FN3K: variants seen among roughly 807,000 people sequenced by gnomAD.
FN3K encodes fructosamine 3 kinase.
A neutral mutation model predicts 24.8 loss-of-function variants in FN3K; 24 were observed. The ratio of observed to expected loss-of-function variants is 0.97; its 90% CI spans 0.70 to 1.36. The LOEUF (loss-of-function observed/expected upper bound fraction) is 1.36. Ranked by LOEUF, FN3K falls within the 40% of genes most tolerant of loss-of-function variation. The pLI, the probability that FN3K is intolerant of heterozygous loss-of-function variation, is 0.00. For synonymous variants in FN3K, 192 were observed against 175.2 expected, an observed-to-expected ratio of 1.10 and a Z score of -0.76; for missense variants, 449 against 416.7, an observed-to-expected ratio of 1.08 and a Z score of -0.67.
chr17:82,736,012 G>GT (rs1279188405), intron 1 of FN3K: 11 of 545,628 alleles, frequency 2.0e-5, no homozygotes, highest in Non-Finnish European at 3.5e-5. Context: ...TCTAGGGGTG[G>GT]TTTTAACTTT....
At position 82,738,313 on chromosome 17, in the gene FN3K, C is replaced by T. The variant is rs570438270; in HGVS notation, c.142-176C>T. 1.2e-4 allele frequency: 82 copies of T among 696,596 alleles called. 1 individual carries two copies. The East Asian group carries it at 1.9e-3, about 16-fold the overall frequency. The allele number at this position is 696,596 out of a possible 1,614,324, so 43.2% of individuals were successfully genotyped here. A position where few individuals can be genotyped will look rare whatever the true frequency, so the allele number is the denominator to read the frequency against. Reference sequence around the variant, plus strand: ...CCTCAGCCTTGCAGCCTCTCGTCTCCGACGGGGGGCCCCTCTGCACCCTGC... The same window carrying T: ...CCTCAGCCTTGCAGCCTCTCGTCTCTGACGGGGGGCCCCTCTGCACCCTGC... On this transcript the variant is annotated intron_variant, in intron 1 of 5. Transcript: ENST00000300784.
chr17:82,737,512 C>T lies in FN3K; in HGVS notation c.142-977C>T, dbSNP rs367605027. 4.3e-4 allele frequency among the ~76,000 whole-genome samples: 66 copies of T among 152,190 alleles called. 2 individuals are homozygous for T. The East Asian group carries it at 7.6e-3, about 17-fold the overall frequency. On this transcript the variant is annotated intron_variant, in intron 1 of 5. Coordinates refer to ENST00000300784, the MANE Select transcript of FN3K (RefSeq NM_022158.4). ...TAATTTTTTGTATTTTTAGTAGAGA[C>T]GAGGTTTCACCGTGTTAGCCAGGAT...
At chr17:82,742,985 A>C (rs1447193068) in intron 4 of FN3K, among the ~76,000 whole-genome samples, 1 of 152,112 alleles carries the variant, frequency 6.6e-6, no homozygotes, top group Non-Finnish European at 1.5e-5. Context: ...GCCAACAGGC[A>C]GTCCTCACAT....
chr17:82,748,881 G>A lies in FN3K; in HGVS notation c.495G>A (p.Pro165=), dbSNP rs771610214. ...PQVNEWQDDW[P]TFFARHRLQA... is the part of the protein sequence containing the mutation. ...TGAATGAGTGGCAGGATGACTGGCC[G>A]ACCTTTTTCGCCCGGCACCGGCTCC... Residue 165 remains proline (P), a synonymous_variant, in exon 5 of 6, where the codon CCG becomes CCA. Transcript: ENST00000300784. The A allele has an allele frequency of 6.2e-6, 10 of 1,613,202 alleles. No homozygotes were observed. In the East Asian group the frequency reaches 1.3e-4, roughly 22 times the overall value.
At chr17:82,745,646 A>G (rs2143649115) in intron 4 of FN3K, 1 of 152,294 alleles carries the variant, frequency 6.6e-6, no homozygotes, top group South Asian at 2.1e-4. Flanking sequence ...ATGTGGATGG[A>G]TTTCTGGATC....
chr17:82,736,084 C>T (rs1177273976), intron 1 of FN3K: 1 of 330,636 alleles, frequency 3.0e-6, no homozygotes, highest in South Asian at 3.9e-5. Flanking sequence ...CTGGGCCGCC[C>T]CTCTCAGCCC....
At chr17:82,747,807 T>C (rs1309442740) in intron 4 of FN3K, among the ~76,000 whole-genome samples, 2 of 152,226 alleles carry the variant, frequency 1.3e-5, no homozygotes, top group Non-Finnish European at 2.9e-5. Context: ...ATTCCTCTTC[T>C]TATAGGCCAC....
rs560630781 is a variant in FN3K, at chr17:82,750,619, G to C, written c.794G>C (p.Arg265Pro). The C allele has an allele frequency of 6.2e-7, 1 of 1,613,914 alleles. No individual in the cohort carries two copies. ...AGATCCTTCTTCACCGCCTACCACC[G>C]GAAGATCCCCAAGGCTCCGGGCTTC... ...FPRSFFTAYH[R>P]KIPKAPGFDQ... Residue 265 changes from arginine to proline, a missense_variant, in exon 6 of 6, where the codon CGG (arginine) becomes CCG (proline). By Grantham distance (103) the Arg-to-Pro change is moderately radical. Coordinates refer to ENST00000300784, the MANE Select transcript of FN3K (RefSeq NM_022158.4).
At chr17:82,739,369 A>G (rs989038798) in intron 2 of FN3K, among the ~76,000 whole-genome samples, 5 of 151,962 alleles carry the variant, frequency 3.3e-5, no homozygotes, top group Non-Finnish European at 5.9e-5. Context: ...GCTCACTGCA[A>G]ACTCCGCCTC....
Position 82,750,931 on chromosome 17 carries a change from T to TCCATCCCTGTCCCCCGTCCCC in FN3K, c.*178_*198dup, listed in dbSNP as rs1437659324. ...GTCCCCGTCCCCCCGTCCCCGTCCC[T>TCCATCCCTGTCCCCCGTCCCC]CCATCCCTGTCCCCCGTCCCCCTGT... is the stretch of plus-strand genomic sequence containing the variant. On this transcript the variant is annotated 3_prime_UTR_variant, in exon 6 of 6. Coordinates refer to ENST00000300784, the MANE Select transcript of FN3K (RefSeq NM_022158.4). 1.1e-5 allele frequency: 3 copies of TCCATCCCTGTCCCCCGTCCCC among 275,056 alleles called. No homozygotes were observed. The highest frequency in any genetic ancestry group is 9.4e-5 in the African/African-American group (1 of 10,676). 17.0% of individuals were successfully genotyped at this position (275,056 alleles called of 1,614,324 possible). A position where few individuals can be genotyped will look rare whatever the true frequency, so the allele number is the denominator to read the frequency against.
chr17:82,750,320 AGCAGATCGCGAGTG>A (rs2046999615), intron 5 of FN3K, 83 bp from the exon 6 acceptor site: 4 of 1,087,078 alleles, frequency 3.7e-6, no homozygotes, highest in Admixed American at 1.9e-5. Flanking sequence ...TGGACACCGA[AGCAGATCGCGAGTG>A]GGCTTTGCCT....
At chr17:82,747,506 T>G (rs2046975355) in intron 4 of FN3K, among the ~76,000 whole-genome samples, 1 of 152,210 alleles carries the variant, frequency 6.6e-6, no homozygotes, top group African/African-American at 2.4e-5. Flanking sequence ...TTTCAAGAGA[T>G]TCTCCTGCCT....
intron 4 of FN3K, 184 bp downstream of exon 4, chr17:82,741,577 C>G (rs2046941539): frequency 1.7e-6 from 1 of 599,916 alleles, no homozygotes; most frequent in Non-Finnish European, 3.0e-6. Context: ...CTGAGCTGGG[C>G]AGGGTCATGG....
chr17:82,740,812 C>T lies in FN3K; in HGVS notation c.343C>T (p.Gln115Ter). ...EQMADLHLYN[Q>*]KLREKLKEEE... is the part of the protein sequence containing the mutation. ...GATGGCAGATTTGCATCTTTACAAC[C>T]AGAAGCTCAGGGAGAAGTTGAAGGA... Residue 115 changes from glutamine to a stop codon, truncating the protein, a stop_gained, in exon 3 of 6, where the codon CAG becomes TAG. Transcript: ENST00000300784. LOFTEE classifies it high-confidence loss of function. 1.2e-6 allele frequency: 2 copies of T among 1,613,656 alleles called. No individual in the cohort carries two copies. Among genetic ancestry groups the T allele is most frequent in the Non-Finnish European group, 1.7e-6 (2 of 1,179,758 alleles).
In FN3K at chr17:82,735,647, T is replaced by TGCTGCGCGCCGA; in HGVS notation, c.19_30dup (p.Ala7_Arg10dup). On this transcript the variant is annotated inframe_insertion, in exon 1 of 6. Coordinates refer to ENST00000300784, the MANE Select transcript of FN3K (RefSeq NM_022158.4). The stretch of plus-strand genomic sequence containing the variant: ...CGCGCCCCGCACTCCATGGAGCAGC[T>TGCTGCGCGCCGA]GCTGCGCGCCGAGCTGCGCACCGCG... 15 of 1,538,374 alleles carry TGCTGCGCGCCGA rather than the reference T, an allele frequency of 9.8e-6. No individual in the cohort carries two copies. The highest frequency in any genetic ancestry group is 1.3e-5 in the Non-Finnish European group (15 of 1,149,818).
chr17:82,742,701 A>G (rs775178229), intron 4 of FN3K: 2 of 456,262 alleles, frequency 4.4e-6, no homozygotes, highest in South Asian at 3.1e-5. Flanking sequence ...GGACAGCCCA[A>G]CTGCCCTGTG....
chr17:82,738,703 C>CAG (rs1444586767), intron 2 of FN3K, 63 bp downstream of exon 2: 1 of 1,586,484 alleles, frequency 6.3e-7, no homozygotes, highest in African/African-American at 1.3e-5. Context: ...CAGAGACAAA[C>CAG]AGAGAGAGAC....
At chr17:82,737,592 G>A (rs1166286006) in intron 1 of FN3K, 1 of 152,210 alleles carries the variant, frequency 6.6e-6, no homozygotes, top group Non-Finnish European at 1.5e-5. Context: ...AAAGTGCTGG[G>A]ATTACAGGTG....
At chr17:82,737,688 C>G (rs1177345663) in intron 1 of FN3K, 1 of 152,148 alleles carries the variant, frequency 6.6e-6, no homozygotes, top group East Asian at 1.9e-4. Flanking sequence ...CACCTGTAAT[C>G]CCAGCTACTC....
Sources: allele counts gnomAD v4.1 joint callset (sites outside exome capture counted in the v4.1 genomes callset), GRCh38; gene constraint gnomAD v4.1.1; transcripts MANE v1.5; gene names NCBI Gene and HGNC (gene_info 2026-07-23, HGNC 2026-07-21).